ANKAR: variants seen among roughly 807,000 people sequenced by gnomAD.
ANKAR encodes ankyrin and armadillo repeat containing.
In ANKAR, 136 loss-of-function variants were observed where a neutral mutation model predicts 146.2. The ratio of observed to expected loss-of-function variants is 0.93; its 90% CI spans 0.81 to 1.07. The LOEUF is 1.07. Among genes scored for constraint, ANKAR ranks in the 50% least tolerant of loss-of-function variants. The pLI is 0.00. For missense variants in ANKAR, 1,567 were observed against 1,679.9 expected (o/e 0.93, Z 1.18); for synonymous variants, 500 against 575.8 (o/e 0.87, Z 1.88).
At chr2:189,737,487 A>G (rs991641576) in intron 17 of ANKAR, among the ~76,000 whole-genome samples, 196 bp from the exon 18 acceptor site, 1 of 152,196 alleles carries the variant, frequency 6.6e-6, no homozygotes, top group Non-Finnish European at 1.5e-5. Flanking sequence ...GGTAGTTTTG[A>G]TTTATCAACT....
At chr2:189,755,214 C>G in intron 18 of ANKAR, 1 of 1,611,780 alleles carries the variant, frequency 6.2e-7, no homozygotes, top group Non-Finnish European at 8.5e-7. Context: ...AAAGACTTTC[C>G]AAGAAGCAGA....
intron 15 of ANKAR, among the ~76,000 whole-genome samples, chr2:189,729,715 T>TGTGTGTGTGTGTGG (rs61101787): frequency 0.032 from 4,467 of 141,240 alleles, 128 homozygotes; most frequent in Non-Finnish European, 0.044. Context: ...TGTGTGTGTG[T>TGTGTGTGTGTGTGG]GGTGCGGGTG....
In ANKAR at chr2:189,706,970, C is replaced by T; in HGVS notation, c.1943C>T (p.Thr648Ile). The T allele has an allele frequency of 2.5e-6, 4 of 1,613,140 alleles. No homozygotes were observed. Among genetic ancestry groups the T allele is most frequent in the Admixed American group, 1.7e-5 (1 of 59,886 alleles). The change falls in exon 9 of 23, where the codon ACT becomes ATT. Residue 648 changes from threonine (T) to isoleucine (I), a missense_variant. Coordinates refer to ENST00000684021, the MANE Select transcript of ANKAR (RefSeq NM_001378068.1). ...NQCTPLLLAA[T>I]SGALDTIQYL... ...TGCACTCCACTGTTACTTGCTGCCA[C>T]TTCAGGAGCACTGGACACTATTCAA...
At chr2:189,711,202 A>G (rs1246137298) in intron 10 of ANKAR, 49 bp downstream of exon 10, 1 of 1,330,632 alleles carries the variant, frequency 7.5e-7, no homozygotes, top group East Asian at 2.4e-5. Flanking sequence ...ATGTAGAGCT[A>G]TATTTTATTC....
chr2:189,724,227 C>T (rs1003663414), intron 12 of ANKAR, among the ~76,000 whole-genome samples: 2 of 152,134 alleles, frequency 1.3e-5, no homozygotes, highest in African/African-American at 2.4e-5. Flanking sequence ...CCCCCACACT[C>T]TCTTAATTTT....
At chr2:189,691,725 T>A (rs545450877) in intron 3 of ANKAR, among the ~76,000 whole-genome samples, 122 of 149,266 alleles carry the variant, frequency 8.2e-4, no homozygotes, top group African/African-American at 2.8e-3. Context: ...TATATATATA[T>A]AATATATAAA....
At chr2:189,721,867 G>C (rs948722259) in intron 12 of ANKAR, among the ~76,000 whole-genome samples, 12 of 152,168 alleles carry the variant, frequency 7.9e-5, no homozygotes, top group African/African-American at 2.9e-4. Flanking sequence ...TTAAGAATAA[G>C]GGGAATGTAG....
intron 3 of ANKAR, among the ~76,000 whole-genome samples, chr2:189,690,239 T>C (rs1574400656): frequency 6.6e-6 from 1 of 152,146 alleles, no homozygotes; most frequent in African/African-American, 2.4e-5. Flanking sequence ...ATATCCATGA[T>C]GGGAAAACAC....
intron 2 of ANKAR, among the ~76,000 whole-genome samples, chr2:189,688,844 G>T (rs1050653072): frequency 2.6e-5 from 4 of 152,172 alleles, no homozygotes; most frequent in Non-Finnish European, 4.4e-5. Context: ...AGGCATTCAC[G>T]TGTACAGCCT....
chr2:189,755,362 CT>C, intron 18 of ANKAR: 2 of 1,613,530 alleles, frequency 1.2e-6, no homozygotes, highest in Non-Finnish European at 1.7e-6. Flanking sequence ...GAATGAATGG[CT>C]TTTTTAACTG....
At chr2:189,714,295 C>T (rs2040113347) in intron 10 of ANKAR, among the ~76,000 whole-genome samples, 1 of 152,202 alleles carries the variant, frequency 6.6e-6, no homozygotes, top group Non-Finnish European at 1.5e-5. Context: ...CCACCCAAAT[C>T]AACAGAATAT....
In ANKAR at chr2:189,727,899, G is replaced by C; in HGVS notation, c.2679G>C (p.Gly893=). ...AVSSAAIAEV[G]RDNKEIQDAI... ...CTTCTGCTGCAATTGCTGAGGTTGG[G>C]CGTGACAATAAGGAAATTCAGGATG... Residue 893 remains glycine (G), a synonymous_variant, in exon 13 of 23, where the codon GGG becomes GGC. Transcript: ENST00000684021. 2 of 1,613,950 alleles carry C rather than the reference G, an allele frequency of 1.2e-6. No homozygotes were observed. Among genetic ancestry groups the C allele is most frequent in the Non-Finnish European group, 1.7e-6 (2 of 1,179,930 alleles).
intron 2 of ANKAR, among the ~76,000 whole-genome samples, chr2:189,685,315 T>A (rs962865728): frequency 2.0e-5 from 3 of 152,208 alleles, no homozygotes; most frequent in Non-Finnish European, 4.4e-5. Flanking sequence ...TCGTGGTTTT[T>A]TTTTCCAGTA....
chr2:189,720,628 C>A lies in ANKAR; in HGVS notation c.2476C>A (p.Pro826Thr), dbSNP rs577857279. 6 of 1,349,146 alleles carry A rather than the reference C, an allele frequency of 4.4e-6. No individual in the cohort carries two copies. The African/African-American group carries it at 4.5e-5, about 10-fold the overall frequency. The allele number at this position is 1,349,146 out of a possible 1,614,324, so 83.6% of individuals were successfully genotyped here. The part of the protein sequence containing the change: ...KDVIAKYNGI[P>T]SLINLLNLNI... ...TTTTGTTTATTTTTAGAATGGAATC[C>A]CAAGCCTGATAAATCTATTGAACTT... Residue 826 changes from proline to threonine, a missense_variant, in exon 12 of 23, where the codon CCA becomes ACA. Physicochemically the swap from Pro to Thr is conservative, Grantham distance 38. Transcript: ENST00000684021.
intron 8 of ANKAR, among the ~76,000 whole-genome samples, chr2:189,706,641 G>C (rs953870601): frequency 6.6e-6 from 1 of 152,060 alleles, no homozygotes; most frequent in South Asian, 2.1e-4. Context: ...CTTCACTTAC[G>C]GAGTAGTTGT....
intron 2 of ANKAR, 145 bp downstream of exon 2, chr2:189,677,236 C>A: frequency 3.0e-6 from 2 of 664,516 alleles, no homozygotes; most frequent in East Asian, 3.1e-5. Flanking sequence ...CAGGCATGAG[C>A]CGCTGCACCT....
intron 5 of ANKAR, among the ~76,000 whole-genome samples, chr2:189,694,526 G>A (rs986899697): frequency 6.6e-6 from 1 of 152,300 alleles, no homozygotes; most frequent in African/African-American, 2.4e-5. Flanking sequence ...CCAGGGACCT[G>A]GTAGGAGGGG....
intron 17 of ANKAR, among the ~76,000 whole-genome samples, chr2:189,733,815 TA>T (rs1427874627): frequency 6.6e-6 from 1 of 150,572 alleles, no homozygotes; most frequent in African/African-American, 2.4e-5. Flanking sequence ...TTATTTAATT[TA>T]AAAAATTATT....
chr2:189,750,528 T>G, downstream of ANKAR: 1 of 949,284 alleles, frequency 1.1e-6, no homozygotes, highest in Non-Finnish European at 1.6e-6. Context: ...CAATAAAAAC[T>G]TAATTTTAAC....
Sources: allele counts gnomAD v4.1 joint callset (sites outside exome capture counted in the v4.1 genomes callset), GRCh38; gene constraint gnomAD v4.1.1; transcripts MANE v1.5; gene names NCBI Gene and HGNC (gene_info 2026-07-23, HGNC 2026-07-21).